Variants in PCSK1 observed in about 807,000 individuals in gnomAD.
PCSK1 encodes the protein proprotein convertase subtilisin/kexin type 1.
Under a neutral mutation model 90.6 loss-of-function variants are expected in PCSK1, and 56 were observed. The observed-to-expected ratio is 0.62, with a 90% CI of 0.50 to 0.77. PCSK1 has a LOEUF of 0.77. Among genes scored for constraint, PCSK1 ranks in the 30% least tolerant of loss-of-function variants. PCSK1 has a pLI of 0.00. For synonymous variants in PCSK1, 348 were observed against 342.4 expected, an observed-to-expected ratio of 1.02 and a Z score of -0.18; for missense variants, 801 against 932.6, an observed-to-expected ratio of 0.86 and a Z score of 1.84.
rs1759952340 is a variant in PCSK1 at position 96,391,779 on chromosome 5, G to A, written c.*1222C>T. ...GAGCAAAGATGGGTCCGAGAATGAG[G>A]TTTTATGTGAAACATCATATTTTCA... is the stretch of plus-strand genomic sequence containing the variant. On this transcript the variant is annotated 3_prime_UTR_variant, in exon 14 of 14. Coordinates refer to ENST00000311106, the MANE Select transcript of PCSK1 (RefSeq NM_000439.5). 6.6e-6 allele frequency: 1 copy of A among 152,096 alleles called. No individual in the cohort carries two copies. 9.4% of individuals were successfully genotyped at this position (152,096 alleles called of 1,614,324 possible).
Position 96,392,949 on chromosome 5 carries a change from G to A in PCSK1, c.*52C>T, listed in dbSNP as rs1759997781. On this transcript the variant is annotated 3_prime_UTR_variant, in exon 14 of 14. Transcript: ENST00000311106. ...AACCACTTCAGACACAGGCAAAATC[G>A]CAGGGTAAGGAAGAAGCATGAATAT... 1.5e-5 allele frequency: 24 copies of A among 1,587,564 alleles called. No individual in the cohort carries two copies. Among genetic ancestry groups the A allele is most frequent in the Non-Finnish European group, 2.0e-5 (23 of 1,156,952 alleles).
At chr5:96,399,077 A>T in intron 10 of PCSK1, 41 bp from the exon 11 acceptor site, 1 of 1,486,516 alleles carries the variant, frequency 6.7e-7, no homozygotes, top group Non-Finnish European at 9.3e-7. Flanking sequence ...AAGTATATCC[A>T]AACTTCCTTG....
chr5:96,421,812 A>G, intron 5 of PCSK1, 68 bp downstream of exon 5: 1 of 871,604 alleles, frequency 1.1e-6, no homozygotes, highest in East Asian at 2.4e-5. Context: ...AATATATGGT[A>G]TAATTTTCTC....
At chr5:96,419,033 C>CAT (rs1388605603) in intron 5 of PCSK1, among the ~76,000 whole-genome samples, 1 of 151,836 alleles carries the variant, frequency 6.6e-6, no homozygotes, top group Non-Finnish European at 1.5e-5. Context: ...GTGTCCAAGC[C>CAT]ATATATATGT....
rs1042777142 is a variant in PCSK1 at position 96,400,240 on chromosome 5, A to C, written c.1197-54T>G. On this transcript the variant is annotated intron_variant, in intron 9 of 13. Transcript: ENST00000311106. The stretch of plus-strand genomic sequence containing the variant: ...TCAGAGAAAAATGAAGTTTCCTTGC[A>C]AAAGCAAGTGCTAACAATAAGCATC... 4.9e-6 allele frequency: 6 copies of C among 1,223,748 alleles called. No individual in the cohort carries two copies. In the Admixed American group the frequency reaches 1.0e-4, roughly 21 times the overall value. 75.8% of individuals were successfully genotyped at this position (1,223,748 alleles called of 1,614,324 possible). A position where few individuals can be genotyped will look rare whatever the true frequency, so the allele number is the denominator to read the frequency against.
chr5:96,390,613 TCTC>T lies in PCSK1; in HGVS notation c.*2385_*2387del, dbSNP rs1311305565. The T allele has an allele frequency of 1.3e-5, 2 of 152,646 alleles. No individual in the cohort carries two copies. The highest frequency in any genetic ancestry group is 4.8e-5 in the African/African-American group (2 of 41,456). 9.5% of individuals were successfully genotyped at this position (152,646 alleles called of 1,614,324 possible). On this transcript the variant is annotated 3_prime_UTR_variant, in exon 14 of 14. Coordinates refer to ENST00000311106, the MANE Select transcript of PCSK1 (RefSeq NM_000439.5). ...ATTTTATTGGGTGAAACTTTCTTATTCTCAGGAAAACTTTTGGTTCTTTAATAT... is the reference window on the plus strand; with the variant it reads ...ATTTTATTGGGTGAAACTTTCTTATTAGGAAAACTTTTGGTTCTTTAATAT...
intron 4 of PCSK1, among the ~76,000 whole-genome samples, chr5:96,422,980 G>A (rs77526213): frequency 0.01 from 1,541 of 151,684 alleles, 28 homozygotes; most frequent in African/African-American, 0.035. Context: ...ATGATCTCAG[G>A]CAAGGGGCTT....
intron 1 of PCSK1, among the ~76,000 whole-genome samples, chr5:96,432,609 C>T (rs1761541549): frequency 6.6e-6 from 1 of 152,186 alleles, no homozygotes. Flanking sequence ...AATTCTAGAG[C>T]GGCCAACAGT....
chr5:96,408,147 T>C, intron 9 of PCSK1, 76 bp downstream of exon 9: 1 of 1,040,020 alleles, frequency 9.6e-7, no homozygotes, highest in Non-Finnish European at 1.5e-6. Context: ...TAACCATGTA[T>C]TCAGAAAAAA....
At position 96,432,973 on chromosome 5, in the gene PCSK1, T is replaced by G; in HGVS notation, c.70A>C (p.Ser24Arg). ...ACAAATTGCCTTTTCGCTTTTGCAC[T>G]GTTCAGTGCACACCAAGCGCAAAAG... ...VLFCAWCALN[S>R]AKAKRQFVNE... The change falls in exon 1 of 14, where the codon AGT (serine) becomes CGT (arginine). Residue 24 changes from serine to arginine, a missense_variant. Physicochemically the swap from Ser to Arg is moderately radical, Grantham distance 110 (BLOSUM62 -1). Transcript: ENST00000311106. The G allele has an allele frequency of 6.2e-7, 1 of 1,614,224 alleles. No individual in the cohort carries two copies. Among genetic ancestry groups the G allele is most frequent in the Non-Finnish European group, 8.5e-7 (1 of 1,180,022 alleles).
At chr5:96,419,382 TATTATA>T (rs1761043737) in intron 5 of PCSK1, among the ~76,000 whole-genome samples, 1 of 119,948 alleles carries the variant, frequency 8.3e-6, no homozygotes, top group African/African-American at 3.4e-5. Context: ...ATATAATACT[TATTATA>T]TATATATATA....
chr5:96,415,213 C>G (rs1430676175), intron 6 of PCSK1, among the ~76,000 whole-genome samples: 1 of 152,172 alleles, frequency 6.6e-6, no homozygotes, highest in Admixed American at 6.5e-5. Flanking sequence ...GCTCTGTCTT[C>G]CCATTGGGTT....
At chr5:96,415,234 A>G (rs1227265141) in intron 6 of PCSK1, among the ~76,000 whole-genome samples, 1 of 152,132 alleles carries the variant, frequency 6.6e-6, no homozygotes, top group East Asian at 1.9e-4. Context: ...CAGCCAACTG[A>G]AGACACCAGC....
rs1161446672 is a variant in PCSK1, at chr5:96,433,208, C to T, written c.-166G>A. 1.5e-6 allele frequency: 1 copy of T among 685,016 alleles called. No individual in the cohort carries two copies. 42.4% of individuals were successfully genotyped at this position (685,016 alleles called of 1,614,324 possible). ...AGGCGCGAGAGGAGAGGCTGGGCGG[C>T]GGCGAGCGCTCAGTGAAGCGCTTCG... On this transcript the variant is annotated 5_prime_UTR_variant, in exon 1 of 14. Transcript: ENST00000311106.
intron 1 of PCSK1, among the ~76,000 whole-genome samples, chr5:96,430,697 A>C (rs978787616): frequency 6.6e-6 from 1 of 152,218 alleles, no homozygotes; most frequent in Non-Finnish European, 1.5e-5. Context: ...ACAAAGAATT[A>C]TTATTCTAAT....
chr5:96,410,718 A>T, intron 8 of PCSK1, 56 bp downstream of exon 8: 1 of 1,379,176 alleles, frequency 7.3e-7, no homozygotes, highest in Non-Finnish European at 1.0e-6. Context: ...GAATCATTTC[A>T]CATGCATGCC....
At chr5:96,398,764 A>G in intron 11 of PCSK1, 115 bp downstream of exon 11, 1 of 886,100 alleles carries the variant, frequency 1.1e-6, no homozygotes, top group Non-Finnish European at 1.9e-6. Flanking sequence ...GTTTTTTAAG[A>G]CCTGAAAATA....
intron 9 of PCSK1, among the ~76,000 whole-genome samples, chr5:96,404,178 C>T (rs928767322): frequency 2.0e-5 from 3 of 152,186 alleles, no homozygotes; most frequent in Admixed American, 2.0e-4. Context: ...TCTACACAAA[C>T]ACAGGTGGAT....
chr5:96,424,225 T>C (rs1761214317), intron 3 of PCSK1, among the ~76,000 whole-genome samples: 1 of 152,130 alleles, frequency 6.6e-6, no homozygotes, highest in South Asian at 2.1e-4. Flanking sequence ...AAAGTGTCAG[T>C]GAAGGAGCTG....
Sources: allele counts gnomAD v4.1 joint callset (sites outside exome capture counted in the v4.1 genomes callset), GRCh38; gene constraint gnomAD v4.1.1; transcripts MANE v1.5; gene names NCBI Gene and HGNC (gene_info 2026-07-23, HGNC 2026-07-21).